TSC22D1: variants seen among roughly 807,000 people sequenced by gnomAD.
The protein encoded by TSC22D1 is TSC22 domain family protein 1.
TSC22D1 carries 9 observed loss-of-function variants against 74.2 expected under a neutral mutation model. The observed-to-expected ratio is 0.12, with a 90% CI of 0.07 to 0.21. TSC22D1 has a LOEUF of 0.21. Among genes scored for constraint, TSC22D1 ranks in the 10% least tolerant of loss-of-function variants. The probability of loss-of-function intolerance (pLI) is 1.00; values close to 1 mark genes in which losing one functional copy is unlikely to be tolerated. For synonymous variants in TSC22D1, 586 were observed against 492.5 expected (o/e 1.19, Z -2.51); for missense variants, 1,427 against 1,304.7 (o/e 1.09, Z -1.44).
chr13:44,438,378 C>G (rs1874913314), intron 1 of TSC22D1, among the ~76,000 whole-genome samples: 1 of 152,186 alleles, frequency 6.6e-6, no homozygotes, highest in African/African-American at 2.4e-5. Flanking sequence ...GCATCCTTTT[C>G]TAAAATTGCC....
At chr13:44,478,062 TATAATA>T (rs746733291) in intron 1 of TSC22D1, among the ~76,000 whole-genome samples, 21 of 151,780 alleles carry the variant, frequency 1.4e-4, no homozygotes, top group South Asian at 4.2e-4. Flanking sequence ...AAATAATAAG[TATAATA>T]ATAATAATAA....
chr13:44,456,184 T>C (rs551202770), intron 1 of TSC22D1, among the ~76,000 whole-genome samples: 17 of 152,180 alleles, frequency 1.1e-4, no homozygotes, highest in African/African-American at 2.7e-4. Flanking sequence ...ACCCAAAAAG[T>C]GAGCAGCAGC....
intron 1 of TSC22D1, among the ~76,000 whole-genome samples, chr13:44,479,686 G>GGC (rs1878090226): frequency 6.6e-6 from 1 of 152,110 alleles, no homozygotes; most frequent in African/African-American, 2.4e-5. Flanking sequence ...AGTAAGTACT[G>GGC]GCCACCAAAT....
At chr13:44,551,968 T>TA (rs1882310805) in intron 1 of TSC22D1, among the ~76,000 whole-genome samples, 1 of 152,192 alleles carries the variant, frequency 6.6e-6, no homozygotes, top group Admixed American at 6.5e-5. Context: ...GGCACAGTAG[T>TA]AAGAGCAGAC....
rs74068548 is a variant in TSC22D1, at chr13:44,501,453, C to G, written c.2913-65358G>C. 3.3e-3 allele frequency among the ~76,000 whole-genome samples: 497 copies of G among 152,278 alleles called. 2 individuals carry two copies. The highest frequency in any genetic ancestry group is 0.011 in the African/African-American group (439 of 41,552). On this transcript the variant is annotated intron_variant, in intron 1 of 2. Transcript: ENST00000458659. ...TAAGGTAGTATACTAATTATAAATACTGAATAAAGCATCAAACTAGCAACA... is the reference window on the plus strand; with the variant it reads ...TAAGGTAGTATACTAATTATAAATAGTGAATAAAGCATCAAACTAGCAACA...
At chr13:44,435,981 C>G (rs1874577253) in intron 2 of TSC22D1, 63 bp downstream of exon 2, 2 of 1,516,650 alleles carry the variant, frequency 1.3e-6, no homozygotes, top group African/African-American at 1.4e-5. Flanking sequence ...ACTGGTTCCA[C>G]AAAACATCTT....
chr13:44,574,943 C>A lies in TSC22D1; in HGVS notation c.1132G>T (p.Val378Phe). 1 of 1,614,100 alleles carries A rather than the reference C, an allele frequency of 6.2e-7. No individual in the cohort carries two copies. Among genetic ancestry groups the A allele is most frequent in the East Asian group, 2.2e-5 (1 of 44,884 alleles). Residue 378 changes from valine (V) to phenylalanine (F), a missense_variant, in exon 1 of 3, where the codon GTT becomes TTT. Physicochemically the swap from Val to Phe is conservative, Grantham distance 50. This residue lies in a region of TSC22D1 where 1,343 missense variants were observed against 1,191.5 expected (regional missense o/e 1.13). Coordinates refer to ENST00000458659, the MANE Select transcript of TSC22D1 (RefSeq NM_183422.4). The part of the protein sequence containing the change: ...GNGTISSSAA[V>F]SSVPNAAAGM... Reference sequence around the variant, plus strand: ...GCAGCTGCATTAGGAACACTGCTAACAGCAGCAGAGGAAGAAATAGTACCA... The same window carrying A: ...GCAGCTGCATTAGGAACACTGCTAAAAGCAGCAGAGGAAGAAATAGTACCA...
intron 1 of TSC22D1, among the ~76,000 whole-genome samples, chr13:44,552,014 A>G (rs982300613): frequency 6.6e-6 from 1 of 152,238 alleles, no homozygotes; most frequent in African/African-American, 2.4e-5. Flanking sequence ...CACTAGGTGC[A>G]TTATACACCT....
At position 44,574,371 on chromosome 13, in the gene TSC22D1, T is replaced by C. The variant is rs767277162; in HGVS notation, c.1704A>G (p.Gln568=). Residue 568 remains glutamine, a synonymous_variant, in exon 1 of 3, where the codon CAA becomes CAG. Transcript: ENST00000458659. ...QKQGLQPVPL[Q]ATMSAATGIQ... is the part of the protein sequence containing the mutation. ...TACCAGTTGCAGCACTCATAGTGGC[T>C]TGCAGAGGTACTGGCTGAAGACCTT... 6.2e-6 allele frequency: 10 copies of C among 1,614,236 alleles called. No individual in the cohort carries two copies. In the Admixed American group the frequency reaches 1.7e-4, roughly 27 times the overall value.
intron 1 of TSC22D1, among the ~76,000 whole-genome samples, chr13:44,496,942 C>T (rs1189494745): frequency 6.6e-6 from 1 of 152,044 alleles, no homozygotes; most frequent in African/African-American, 2.4e-5. Context: ...TGAGAAGAAA[C>T]TGGATCCCTC....
At chr13:44,502,245 A>G (rs1384273991) in intron 1 of TSC22D1, among the ~76,000 whole-genome samples, 1 of 152,178 alleles carries the variant, frequency 6.6e-6, no homozygotes, top group Non-Finnish European at 1.5e-5. Context: ...AGAGACACAA[A>G]GTAATTGGAT....
intron 1 of TSC22D1, among the ~76,000 whole-genome samples, chr13:44,444,405 A>G (rs906800841): frequency 6.6e-6 from 1 of 151,752 alleles, no homozygotes; most frequent in African/African-American, 2.4e-5. Flanking sequence ...GTTTGGATGA[A>G]AAAGCAAGAT....
At chr13:44,515,353 G>C (rs1357773028) in intron 1 of TSC22D1, among the ~76,000 whole-genome samples, 1 of 150,774 alleles carries the variant, frequency 6.6e-6, no homozygotes, top group Non-Finnish European at 1.5e-5. Flanking sequence ...TATATGGAAA[G>C]ATGGCCAAGA....
rs139696570 is a variant in TSC22D1 at position 44,570,939 on chromosome 13, T to C, written c.2912+2224A>G. 4.1e-3 allele frequency among the ~76,000 whole-genome samples: 626 copies of C among 152,332 alleles called. 4 individuals are homozygous for C. The highest frequency in any genetic ancestry group is 0.014 in the African/African-American group (576 of 41,576). ...CTTTTTTCCAAACTGTAGTGATAAA[T>C]AATCTTCAGTAAAACACAATAAAGA... On this transcript the variant is annotated intron_variant, in intron 1 of 2. Transcript: ENST00000458659.
chr13:44,539,451 G>C, intron 1 of TSC22D1: 1 of 985,274 alleles, frequency 1.0e-6, no homozygotes, highest in Non-Finnish European at 1.2e-6. Flanking sequence ...GAATATAAAA[G>C]AGCACTTAGA....
chr13:44,540,605 T>A (rs1253611653), intron 1 of TSC22D1, among the ~76,000 whole-genome samples: 1 of 152,172 alleles, frequency 6.6e-6, no homozygotes, highest in Non-Finnish European at 1.5e-5. Flanking sequence ...CTTTTTAAAA[T>A]GCATAATCAT....
chr13:44,438,057 A>G (rs1874882870), intron 1 of TSC22D1, among the ~76,000 whole-genome samples: 1 of 152,220 alleles, frequency 6.6e-6, no homozygotes, highest in African/African-American at 2.4e-5. Flanking sequence ...TGCATCAATT[A>G]AGGCTACAAT....
intron 1 of TSC22D1, among the ~76,000 whole-genome samples, chr13:44,460,130 CAAGAA>C (rs945415519): frequency 8.5e-5 from 13 of 152,322 alleles, no homozygotes; most frequent in African/African-American, 3.1e-4. Context: ...AGAGATAACA[CAAGAA>C]AAGAACCTGG....
intron 1 of TSC22D1, among the ~76,000 whole-genome samples, chr13:44,567,040 T>C (rs1407702714): frequency 6.6e-6 from 1 of 152,182 alleles, no homozygotes; most frequent in Non-Finnish European, 1.5e-5. Context: ...AAAGGAATAT[T>C]GTCTGAAGAA....
Sources: gnomAD v4.1 joint callset for allele counts (sites outside exome capture counted in the v4.1 genomes callset) on GRCh38, gnomAD v4.1.1 for gene constraint, gnomAD v4.1.1 regional missense constraint, MANE v1.5 for transcripts, NCBI Gene and HGNC (gene_info 2026-07-23, HGNC 2026-07-21) for gene names.